Variants in JMJD1C observed in about 807,000 individuals in gnomAD.
The protein encoded by JMJD1C is jumonji domain-containing protein 1C.
In JMJD1C, 31 loss-of-function variants were observed where a neutral mutation model predicts 245.3. The observed-to-expected ratio is 0.13, with a 90% CI of 0.09 to 0.17. JMJD1C has a LOEUF of 0.17. JMJD1C is among the 10% of genes least tolerant of loss of function. The probability of loss-of-function intolerance (pLI) is 1.00; values close to 1 mark genes in which losing one functional copy is unlikely to be tolerated. For synonymous variants in JMJD1C, 1,057 were observed against 1,017.4 expected (o/e 1.04, Z -0.74); for missense variants, 2,691 against 3,000.2 (o/e 0.90, Z 2.41).
At chr10:63,519,704 A>G (rs943196186) in intron 1 of JMJD1C, among the ~76,000 whole-genome samples, 3 of 152,236 alleles carry the variant, frequency 2.0e-5, no homozygotes, top group Non-Finnish European at 4.4e-5. Flanking sequence ...TCTGATAGGT[A>G]CAGAATGGGG....
At chr10:63,263,403 A>G (rs563307088) in intron 3 of JMJD1C, among the ~76,000 whole-genome samples, 56 of 152,308 alleles carry the variant, frequency 3.7e-4, no homozygotes, top group Non-Finnish European at 2.6e-4. Flanking sequence ...TGCACAACAA[A>G]TAACTGCTCA....
At chr10:63,281,127 C>G (rs1200135075) in intron 2 of JMJD1C, among the ~76,000 whole-genome samples, 1 of 139,640 alleles carries the variant, frequency 7.2e-6, no homozygotes, top group Non-Finnish European at 1.5e-5. Flanking sequence ...CCACCACACC[C>G]GGCCTTTTTT....
chr10:63,311,824 TATTTC>T (rs940451317), intron 2 of JMJD1C, among the ~76,000 whole-genome samples: 3 of 152,198 alleles, frequency 2.0e-5, no homozygotes, highest in African/African-American at 7.2e-5. Context: ...AGAACACTTT[TATTTC>T]AAGTAGAAAT....
At chr10:63,519,344 G>C (rs1955130532) in intron 1 of JMJD1C, among the ~76,000 whole-genome samples, 1 of 152,162 alleles carries the variant, frequency 6.6e-6, no homozygotes, top group Admixed American at 6.5e-5. Flanking sequence ...GACCTCCAAA[G>C]TAAAAAGGCA....
intron 2 of JMJD1C, chr10:63,359,076 T>C (rs1286283418): frequency 6.5e-6 from 1 of 153,288 alleles, no homozygotes; most frequent in Non-Finnish European, 1.5e-5. Context: ...ACACCTGTTA[T>C]ACTAGAATAT....
intron 2 of JMJD1C, among the ~76,000 whole-genome samples, chr10:63,304,847 T>G (rs1240633660): frequency 1.3e-5 from 2 of 152,138 alleles, no homozygotes; most frequent in African/African-American, 4.8e-5. Flanking sequence ...AAAGATTGAC[T>G]AGGAGGCCAG....
chr10:63,341,559 GA>G (rs1943381074), intron 2 of JMJD1C, among the ~76,000 whole-genome samples: 1 of 152,190 alleles, frequency 6.6e-6, no homozygotes, highest in Non-Finnish European at 1.5e-5. Flanking sequence ...TTAAGCTAAT[GA>G]AAAGGAATGG....
intron 3 of JMJD1C, among the ~76,000 whole-genome samples, chr10:63,253,690 T>G (rs576663320): frequency 4.9e-4 from 75 of 152,208 alleles, no homozygotes; most frequent in African/African-American, 1.7e-3. Context: ...CCGGCCTCAT[T>G]TTTTAAAAAT....
intron 1 of JMJD1C, among the ~76,000 whole-genome samples, chr10:63,497,484 G>C (rs1366489070): frequency 6.6e-6 from 1 of 152,180 alleles, no homozygotes; most frequent in Non-Finnish European, 1.5e-5. Context: ...GTTTGCCTCA[G>C]CCAGATGGGT....
At position 63,167,580 on chromosome 10, in the gene JMJD1C, C is replaced by A. The variant is rs1047027809; in HGVS notation, c.*465G>T. 1.3e-5 allele frequency: 2 copies of A among 152,950 alleles called. No homozygotes were observed. Among genetic ancestry groups the A allele is most frequent in the Non-Finnish European group, 2.9e-5 (2 of 68,312 alleles). 9.5% of individuals were successfully genotyped at this position (152,950 alleles called of 1,614,324 possible). On this transcript the variant is annotated 3_prime_UTR_variant, in exon 26 of 26. Transcript: ENST00000399262. Reference sequence around the variant, plus strand: ...TTTGGCAGTAATTTTCTGATTATGACATGACTGCTGTGCGATTCAGCAATT... The same window carrying A: ...TTTGGCAGTAATTTTCTGATTATGAAATGACTGCTGTGCGATTCAGCAATT...
rs1232542401 is a variant in JMJD1C at position 63,214,341 on chromosome 10, A to G, written c.1826T>C (p.Met609Thr). 1.9e-6 allele frequency: 3 copies of G among 1,614,002 alleles called. No homozygotes were observed. The highest frequency in any genetic ancestry group is 2.5e-6 in the Non-Finnish European group (3 of 1,180,004). The change falls in exon 8 of 26, where the codon ATG (methionine) becomes ACG (threonine). Residue 609 changes from methionine to threonine, a missense_variant. By Grantham distance (81) the Met-to-Thr change is moderately conservative. Transcript: ENST00000399262. ...YISPLSAVSV[M>T]EDKLHKRSPP... ...ACTTCGCTTATGCAGCTTATCTTCC[A>G]TGACAGAAACTGCACTTAAAGGAGA...
At chr10:63,402,372 A>AT (rs1211995410) in intron 1 of JMJD1C, among the ~76,000 whole-genome samples, 8 of 152,190 alleles carry the variant, frequency 5.3e-5, no homozygotes, top group African/African-American at 1.7e-4. Context: ...CTTTTTAAAA[A>AT]TTGTTAGTCC....
At chr10:63,260,019 A>G (rs1455055500) in intron 3 of JMJD1C, among the ~76,000 whole-genome samples, 3 of 152,118 alleles carry the variant, frequency 2.0e-5, no homozygotes, top group Admixed American at 6.5e-5. Context: ...CTCTTGCCTC[A>G]GCCTCCAGAG....
chr10:63,308,358 A>G (rs1203308092), intron 2 of JMJD1C, among the ~76,000 whole-genome samples: 1 of 152,108 alleles, frequency 6.6e-6, no homozygotes, highest in Non-Finnish European at 1.5e-5. Context: ...GACCCACAAA[A>G]TAAGGTTCCC....
At chr10:63,174,831 T>C (rs1382979354) in intron 24 of JMJD1C, among the ~76,000 whole-genome samples, 1 of 150,778 alleles carries the variant, frequency 6.6e-6, no homozygotes, top group Non-Finnish European at 1.5e-5. Flanking sequence ...CAAGACTCTG[T>C]CTCAAAAAAA....
chr10:63,284,030 G>GT (rs899340274), intron 2 of JMJD1C, among the ~76,000 whole-genome samples: 19 of 146,898 alleles, frequency 1.3e-4, no homozygotes, highest in African/African-American at 4.0e-4. Flanking sequence ...TTTTTTTTTT[G>GT]TTTTTTGGGA....
chr10:63,265,146 C>A (rs538397548), intron 2 of JMJD1C, among the ~76,000 whole-genome samples: 2 of 151,212 alleles, frequency 1.3e-5, no homozygotes, highest in East Asian at 3.9e-4. Flanking sequence ...TGTATTATTT[C>A]TTATTAAAGA....
intron 2 of JMJD1C, among the ~76,000 whole-genome samples, chr10:63,351,490 A>G (rs1024422578): frequency 2.0e-5 from 3 of 152,204 alleles, no homozygotes; most frequent in Non-Finnish European, 2.9e-5. Flanking sequence ...TAATTCCTAG[A>G]CAACATTAAT....
Position 63,221,832 on chromosome 10 carries a change from C to T in JMJD1C, c.448-1849G>A, listed in dbSNP as rs1848633010. Among the ~76,000 whole-genome samples the T allele has an allele frequency of 3.3e-5, 5 of 152,188 alleles. No homozygotes were observed. In the South Asian group the frequency reaches 1.0e-3, roughly 32 times the overall value. Reference sequence around the variant, plus strand: ...CACCTCCCAGGTTCAAGCAATTCTCCTGTCTCAGCCTCCTGAGTAGCTGGG... The same window carrying T: ...CACCTCCCAGGTTCAAGCAATTCTCTTGTCTCAGCCTCCTGAGTAGCTGGG... On this transcript the variant is annotated intron_variant, in intron 3 of 25. Transcript: ENST00000399262.
Sources: allele counts gnomAD v4.1 joint callset (sites outside exome capture counted in the v4.1 genomes callset), GRCh38; gene constraint gnomAD v4.1.1; transcripts MANE v1.5; gene names NCBI Gene and HGNC (gene_info 2026-07-23, HGNC 2026-07-21).